Variants in GCSAML observed in about 807,000 individuals in gnomAD.
GCSAML encodes the protein germinal center associated signaling and motility like.
In GCSAML, 9 loss-of-function variants were observed where a neutral mutation model predicts 13.0. The observed-to-expected ratio is 0.69, with a 90% CI of 0.42 to 1.21. GCSAML has a LOEUF of 1.21. Among genes scored for constraint, GCSAML ranks in the 50% most tolerant of loss-of-function variants. GCSAML has a pLI of 0.00. For synonymous variants in GCSAML, 37 were observed against 52.9 expected (o/e 0.70, Z 1.31); for missense variants, 143 against 153.4 (o/e 0.93, Z 0.36).
chr1:247,531,971 C>G (rs200581250), intron 2 of GCSAML: 1 of 1,613,950 alleles, frequency 6.2e-7, no homozygotes, highest in Non-Finnish European at 8.5e-7. Flanking sequence ...AGGGGCATCT[C>G]GCAAAAGAAG....
rs1668856837 is a variant in GCSAML, at chr1:247,576,827, G to A, written c.*2445G>A. ...AGATATTAGCCAATTTTAGGAAAAT[G>A]ACAAAATTTTTTACTTTTCGTCTGC... is the stretch of plus-strand genomic sequence containing the variant. On this transcript the variant is annotated 3_prime_UTR_variant, in exon 5 of 5. Coordinates refer to ENST00000366488, the MANE Select transcript of GCSAML (RefSeq NM_145278.5). The A allele has an allele frequency of 6.6e-6, 1 of 152,154 alleles. No individual in the cohort carries two copies. Among genetic ancestry groups the A allele is most frequent in the African/African-American group, 2.4e-5 (1 of 41,444 alleles). The allele number at this position is 152,154 out of a possible 1,614,324, so 9.4% of individuals were successfully genotyped here. A position where few individuals can be genotyped will look rare whatever the true frequency, so the allele number is the denominator to read the frequency against.
rs1481006808 is a variant in GCSAML at position 247,577,602 on chromosome 1, T to A, written c.*3220T>A. 6.6e-6 allele frequency: 1 copy of A among 152,206 alleles called. No individual in the cohort carries two copies. The highest frequency in any genetic ancestry group is 1.5e-5 in the Non-Finnish European group (1 of 68,036). 9.4% of individuals were successfully genotyped at this position (152,206 alleles called of 1,614,324 possible). A position where few individuals can be genotyped will look rare whatever the true frequency, so the allele number is the denominator to read the frequency against. ...ATATAGATATACTATAATTTGTTAA[T>A]CTAATCACTGATGGATATGTAGGAT... On this transcript the variant is annotated 3_prime_UTR_variant, in exon 5 of 5. Transcript: ENST00000366488.
At chr1:247,536,994 T>A (rs1370144392) in intron 2 of GCSAML, among the ~76,000 whole-genome samples, 2 of 152,244 alleles carry the variant, frequency 1.3e-5, no homozygotes, top group Non-Finnish European at 2.9e-5. Context: ...AATTTATCAT[T>A]GTAACTATTT....
At chr1:247,569,118 G>T (rs1668498906) in intron 4 of GCSAML, among the ~76,000 whole-genome samples, 1 of 152,126 alleles carries the variant, frequency 6.6e-6, no homozygotes, top group Admixed American at 6.6e-5. Context: ...GAGACGATGT[G>T]ATTTTCTAAA....
At chr1:247,562,330 C>T (rs930022293) in intron 2 of GCSAML, among the ~76,000 whole-genome samples, 7 of 152,200 alleles carry the variant, frequency 4.6e-5, no homozygotes, top group Admixed American at 3.9e-4. Context: ...GTCCTCAGCG[C>T]GCCCGTGCCT....
intron 1 of GCSAML, among the ~76,000 whole-genome samples, chr1:247,549,901 A>G (rs1667707967): frequency 6.6e-6 from 1 of 151,968 alleles, no homozygotes; most frequent in Admixed American, 6.6e-5. Context: ...ACAGCATCCC[A>G]CTCCTCTGTC....
At chr1:247,531,824 T>C (rs1370403923) in intron 2 of GCSAML, 2 of 1,614,066 alleles carry the variant, frequency 1.2e-6, no homozygotes, top group African/African-American at 2.7e-5. Context: ...TCTGCTGACC[T>C]GATCTTCAAC....
At chr1:247,517,933 A>C (rs1441891177) in intron 1 of GCSAML, among the ~76,000 whole-genome samples, 1 of 152,066 alleles carries the variant, frequency 6.6e-6, no homozygotes, top group Non-Finnish European at 1.5e-5. Flanking sequence ...AAAGCTGGAG[A>C]CGGTCCCGTT....
chr1:247,543,616 T>A (rs1229224861), intron 2 of GCSAML, among the ~76,000 whole-genome samples: 6 of 152,168 alleles, frequency 3.9e-5, no homozygotes, highest in African/African-American at 7.2e-5. Flanking sequence ...AGCATTTGAA[T>A]AATAGGGACT....
intron 3 of GCSAML, among the ~76,000 whole-genome samples, chr1:247,565,073 C>T (rs1668287102): frequency 1.3e-5 from 2 of 152,044 alleles, no homozygotes; most frequent in African/African-American, 4.8e-5. Flanking sequence ...CAAGAGTGAA[C>T]AGACGGCTGG....
At chr1:247,559,268 T>C (rs1249777592) in intron 2 of GCSAML, among the ~76,000 whole-genome samples, 1 of 152,266 alleles carries the variant, frequency 6.6e-6, no homozygotes, top group African/African-American at 2.4e-5. Context: ...CTGTCATTAT[T>C]TCTCCTGCTT....
At chr1:247,512,917 C>G (rs939620003) in intron 1 of GCSAML, among the ~76,000 whole-genome samples, 2 of 152,174 alleles carry the variant, frequency 1.3e-5, no homozygotes, top group Non-Finnish European at 2.9e-5. Flanking sequence ...CCAGATGCAG[C>G]TGGGGCTCTC....
intron 2 of GCSAML, chr1:247,529,097 G>A (rs979944774): frequency 1.4e-4 from 22 of 152,304 alleles, no homozygotes; most frequent in African/African-American, 4.1e-4. Flanking sequence ...ATTTCCAGGC[G>A]TCTGGCTGGA....
intron 2 of GCSAML, chr1:247,531,902 T>C: frequency 6.2e-7 from 1 of 1,614,146 alleles, no homozygotes; most frequent in Non-Finnish European, 8.5e-7. Flanking sequence ...AAGACAAAGC[T>C]GGCCAGGTAC....
chr1:247,524,297 C>T (rs1666568756), intron 1 of GCSAML, among the ~76,000 whole-genome samples: 1 of 152,180 alleles, frequency 6.6e-6, no homozygotes, highest in African/African-American at 2.4e-5. Flanking sequence ...CCACACCAGC[C>T]TTTCTACACA....
At chr1:247,539,044 T>C (rs1297807061) in intron 2 of GCSAML, among the ~76,000 whole-genome samples, 1 of 152,176 alleles carries the variant, frequency 6.6e-6, no homozygotes, top group Non-Finnish European at 1.5e-5. Context: ...TGGCACCGTA[T>C]GCCAATCACT....
chr1:247,527,218 C>G lies in GCSAML; in HGVS notation c.-148+164C>G, dbSNP rs564682315. ...TTATGGTCATCATTCTCCTCTGTGC[C>G]AAACAGGGGCTGATGGATGGTCAGG... On this transcript the variant is annotated intron_variant, in intron 2 of 5. Transcript: ENST00000366489. The surrounding 1 kb of genome is among the most constrained non-coding windows in gnomAD (Gnocchi z 4.6). 10 of 384,812 alleles carry G rather than the reference C, an allele frequency of 2.6e-5. No individual in the cohort carries two copies. The highest frequency in any genetic ancestry group is 1.9e-4 in the African/African-American group (9 of 47,842). The allele number at this position is 384,812 out of a possible 1,614,324, so 23.8% of individuals were successfully genotyped here.
chr1:247,529,731 T>TGG (rs1666837971), intron 2 of GCSAML: 1 of 148,960 alleles, frequency 6.7e-6, no homozygotes, highest in Admixed American at 6.7e-5. Context: ...TTTTTTTTTT[T>TGG]TTTTTTTTTT....
At chr1:247,564,402 A>C (rs886590569) in intron 3 of GCSAML, among the ~76,000 whole-genome samples, 1 of 146,126 alleles carries the variant, frequency 6.8e-6, no homozygotes, top group Non-Finnish European at 1.5e-5. Context: ...AAAAAAAAAG[A>C]ATTTGCTCTG....
Sources: gnomAD v4.1 joint callset for allele counts (sites outside exome capture counted in the v4.1 genomes callset) on GRCh38, gnomAD v4.1.1 for gene constraint, Gnocchi (gnomAD v3.1) non-coding constraint, MANE v1.5 for transcripts, NCBI Gene and HGNC (gene_info 2026-07-23, HGNC 2026-07-21) for gene names.